Variants in AK8 observed in about 807,000 individuals in gnomAD.
AK8 encodes adenylate kinase 8.
AK8 carries 44 observed loss-of-function variants against 54.6 expected under a neutral mutation model. The ratio of observed to expected loss-of-function variants is 0.81; its 90% confidence interval spans 0.63 to 1.04. AK8 has a LOEUF of 1.04. AK8 is among the 50% of genes least tolerant of loss of function. AK8 has a pLI of 0.00. For synonymous variants in AK8, 239 were observed against 245.6 expected (o/e 0.97, Z 0.25); for missense variants, 555 against 613.6 (o/e 0.90, Z 1.01).
intron 2 of AK8, among the ~76,000 whole-genome samples, chr9:132,871,178 G>A (rs1222132114): frequency 6.6e-6 from 1 of 152,120 alleles, no homozygotes; most frequent in Non-Finnish European, 1.5e-5. Context: ...CCTGGGAGGC[G>A]GAGCTTGCAG....
intron 3 of AK8, 100 bp downstream of exon 3, chr9:132,866,804 G>T: frequency 8.8e-7 from 1 of 1,140,708 alleles, no homozygotes; most frequent in Non-Finnish European, 1.3e-6. Flanking sequence ...AAGAAGAAAA[G>T]CTCAGTTATG....
intron 10 of AK8, among the ~76,000 whole-genome samples, chr9:132,806,544 G>A (rs750998730): frequency 2.1e-4 from 32 of 152,216 alleles, no homozygotes; most frequent in Admixed American, 5.2e-4. Context: ...GCAGCTGGCC[G>A]AGGCTGCTCT....
chr9:132,878,375 A>G (rs970074739), upstream of AK8: 1 of 1,245,214 alleles, frequency 8.0e-7, no homozygotes. This position sits in a 1 kb window ranked among gnomAD's most constrained non-coding sequence, Gnocchi z 4.7. Flanking sequence ...CAGATACCCG[A>G]TCCTCGGTCG....
intron 11 of AK8, among the ~76,000 whole-genome samples, chr9:132,757,052 C>A (rs1204464536): frequency 6.6e-6 from 1 of 152,232 alleles, no homozygotes; most frequent in Non-Finnish European, 1.5e-5. Flanking sequence ...ATTTCGGAAT[C>A]ATCGCATTCC....
In AK8 at chr9:132,741,530, T is replaced by C. The variant is rs951307375; in HGVS notation, c.1122-13996A>G. The stretch of plus-strand genomic sequence containing the variant: ...CCTCCGTGTCCTGAGGTGTGGCCGA[T>C]GCCAAGAGGCCCCACTCAGATCCCC... On this transcript the variant is annotated intron_variant, in intron 11 of 12. Transcript: ENST00000298545. 3.3e-5 allele frequency among the ~76,000 whole-genome samples: 5 copies of C among 152,308 alleles called. No homozygotes were observed. The East Asian group carries it at 9.6e-4, about 29-fold the overall frequency.
At chr9:132,755,424 C>T (rs576785314) in intron 11 of AK8, among the ~76,000 whole-genome samples, 12 of 152,252 alleles carry the variant, frequency 7.9e-5, no homozygotes, top group African/African-American at 2.2e-4. Flanking sequence ...TCAAAGAATG[C>T]GCTCACTGTG....
At chr9:132,841,278 G>T (rs532756433) in intron 5 of AK8, among the ~76,000 whole-genome samples, 23 of 152,324 alleles carry the variant, frequency 1.5e-4, no homozygotes, top group Non-Finnish European at 2.4e-4. Context: ...CAGGTCAGCA[G>T]ATGTGAACCC....
At chr9:132,762,435 CA>C (rs373014798) in intron 11 of AK8, among the ~76,000 whole-genome samples, 181 of 152,140 alleles carry the variant, frequency 1.2e-3, no homozygotes, top group African/African-American at 4.3e-3. Flanking sequence ...ATTAAAAAAT[CA>C]AAGTAGATGA....
chr9:132,793,356 T>C (rs192209401), intron 10 of AK8, among the ~76,000 whole-genome samples: 2 of 152,264 alleles, frequency 1.3e-5, no homozygotes, highest in Non-Finnish European at 2.9e-5. Context: ...CATATGAATT[T>C]TGGGATGACA....
chr9:132,804,505 G>A (rs1840624462), intron 10 of AK8, among the ~76,000 whole-genome samples: 1 of 152,068 alleles, frequency 6.6e-6, no homozygotes, highest in African/African-American at 2.4e-5. Flanking sequence ...GGGGTGAGGA[G>A]AAGGAGTTCC....
At chr9:132,838,695 C>T (rs111654209) in intron 5 of AK8, among the ~76,000 whole-genome samples, 28 of 152,154 alleles carry the variant, frequency 1.8e-4, no homozygotes, top group African/African-American at 6.5e-4. Context: ...GTGGGTGGGG[C>T]TCCTGTGCTA....
At chr9:132,811,602 C>T (rs149608505) in intron 10 of AK8, among the ~76,000 whole-genome samples, 12 of 152,350 alleles carry the variant, frequency 7.9e-5, no homozygotes, top group African/African-American at 2.6e-4. Flanking sequence ...TGTTCTAAAC[C>T]ATGACATTTG....
chr9:132,750,702 C>A (rs543053138), intron 11 of AK8, among the ~76,000 whole-genome samples: 4 of 152,144 alleles, frequency 2.6e-5, no homozygotes, highest in African/African-American at 9.6e-5. Flanking sequence ...CGAGCTCCCC[C>A]ATGAGAGCAA....
At chr9:132,792,601 G>T in intron 11 of AK8, 33 bp downstream of exon 11, 1 of 1,542,420 alleles carries the variant, frequency 6.5e-7, no homozygotes, top group Non-Finnish European at 8.8e-7. Context: ...CAGGGGCTTG[G>T]CCAGGGCTGC....
At chr9:132,741,638 CGTTTTT>C (rs896110057) in intron 11 of AK8, among the ~76,000 whole-genome samples, 1,624 of 152,268 alleles carry the variant, frequency 0.011, 32 homozygotes, top group African/African-American at 0.037. Flanking sequence ...CCCTAGTTTT[CGTTTTT>C]GTTTTTGTTT....
rs1231145353 is a variant in AK8, at chr9:132,826,704, G to C, written c.757+150C>G. The C allele has an allele frequency of 1.1e-6, 1 of 912,882 alleles. No homozygotes were observed. The highest frequency in any genetic ancestry group is 1.6e-6 in the Non-Finnish European group (1 of 609,594). 56.5% of individuals were successfully genotyped at this position (912,882 alleles called of 1,614,324 possible). ...TCTGCACACATGCATTTCTGGGCAG[G>C]GAACCCGGGTCATCTATGTCTTGAC... On this transcript the variant is annotated intron_variant, in intron 8 of 12. Coordinates refer to ENST00000298545, the MANE Select transcript of AK8 (RefSeq NM_152572.3). This position sits in a 1 kb window ranked among gnomAD's most constrained non-coding sequence, Gnocchi z 4.5.
chr9:132,797,802 C>A (rs1442641092), intron 10 of AK8, among the ~76,000 whole-genome samples: 1 of 152,184 alleles, frequency 6.6e-6, no homozygotes, highest in Non-Finnish European at 1.5e-5. Context: ...GACACAATCT[C>A]CCCCGAAGGC....
chr9:132,751,806 A>C (rs1022014123), intron 11 of AK8, among the ~76,000 whole-genome samples: 2 of 151,888 alleles, frequency 1.3e-5, no homozygotes, highest in Non-Finnish European at 1.5e-5. Context: ...TAATGTGTGC[A>C]ATTAAGACCC....
At chr9:132,741,257 T>C (rs1837377305) in intron 11 of AK8, among the ~76,000 whole-genome samples, 1 of 152,242 alleles carries the variant, frequency 6.6e-6, no homozygotes, top group Admixed American at 6.5e-5. Flanking sequence ...CCCCCGACAC[T>C]GCTCCTTCAT....
Sources: gnomAD v4.1 joint callset for allele counts (sites outside exome capture counted in the v4.1 genomes callset) on GRCh38, gnomAD v4.1.1 for gene constraint, Gnocchi (gnomAD v3.1) non-coding constraint, MANE v1.5 for transcripts, NCBI Gene and HGNC (gene_info 2026-07-23, HGNC 2026-07-21) for gene names.